Variants in CACNG5 observed in about 807,000 individuals in gnomAD.
CACNG5 encodes voltage-dependent calcium channel gamma-5 subunit.
A neutral mutation model predicts 24.8 loss-of-function variants in CACNG5; 18 were observed. The ratio of observed to expected loss-of-function variants is 0.73; its 90% CI spans 0.50 to 1.08. The LOEUF (loss-of-function observed/expected upper bound fraction) is 1.08, where lower values mean the gene tolerates loss of function less well. Ranked by LOEUF, CACNG5 falls within the 50% of genes least tolerant of loss-of-function variation. The probability of loss-of-function intolerance (pLI) is 0.00; values close to 1 mark genes in which losing one functional copy is unlikely to be tolerated. For synonymous variants in CACNG5, 157 were observed against 149.1 expected (o/e 1.05, Z -0.39); for missense variants, 349 against 367.9 (o/e 0.95, Z 0.42).
intron 1 of CACNG5, among the ~76,000 whole-genome samples, chr17:66,840,228 C>G (rs1041366280): frequency 6.6e-6 from 1 of 152,342 alleles, no homozygotes; most frequent in African/African-American, 2.4e-5. Flanking sequence ...CGCCCAGCCA[C>G]GGGCATGTGC....
chr17:66,880,416 G>T, intron 3 of CACNG5, 141 bp from the exon 4 acceptor site: 1 of 936,638 alleles, frequency 1.1e-6, no homozygotes, highest in East Asian at 2.6e-5. Context: ...CCACCTGATG[G>T]GGGTAGAGTC....
chr17:66,837,912 G>A (rs1012881327), intron 1 of CACNG5, among the ~76,000 whole-genome samples: 2 of 151,960 alleles, frequency 1.3e-5, no homozygotes, highest in African/African-American at 4.8e-5. Flanking sequence ...AGAGAAAGTT[G>A]TGAATATCAA....
At chr17:66,862,649 G>A (rs916636256) in intron 1 of CACNG5, among the ~76,000 whole-genome samples, 6 of 147,978 alleles carry the variant, frequency 4.1e-5, no homozygotes, top group African/African-American at 1.3e-4. Flanking sequence ...TTTATTTAAC[G>A]AGCATCGCCC....
At chr17:66,839,616 G>T (rs532234847) in intron 1 of CACNG5, among the ~76,000 whole-genome samples, 1 of 151,214 alleles carries the variant, frequency 6.6e-6, no homozygotes. Flanking sequence ...AGAGGGGGAG[G>T]TCTGGGAAAG....
chr17:66,874,467 G>T (rs893668917), intron 1 of CACNG5, among the ~76,000 whole-genome samples: 8 of 152,136 alleles, frequency 5.3e-5, no homozygotes, highest in Admixed American at 2.0e-4. Flanking sequence ...CTTTCATAGG[G>T]CATCACGACA....
rs981545872 is a variant in CACNG5, at chr17:66,890,841, C to A, written c.*5601C>A. 1.3e-5 allele frequency among the ~76,000 whole-genome samples: 2 copies of A among 152,180 alleles called. No individual in the cohort carries two copies. Among genetic ancestry groups the A allele is most frequent in the Non-Finnish European group, 2.9e-5 (2 of 68,024 alleles). ...GGCTGTAAGTTTTACAAGCAAAATG[C>A]AACCAAGCTCAAGTAGTAGACTCCT... On this transcript the variant is annotated 3_prime_UTR_variant, in exon 6 of 6. Coordinates refer to ENST00000533854, the MANE Select transcript of CACNG5 (RefSeq NM_145811.3).
intron 4 of CACNG5, 27 bp downstream of exon 4, chr17:66,880,724 C>A: frequency 1.9e-6 from 3 of 1,607,192 alleles, no homozygotes; most frequent in Non-Finnish European, 2.5e-6. Context: ...TCTTTTCTTG[C>A]ACCCTGGAAT....
rs763248486 is a variant in CACNG5 at position 66,885,045 on chromosome 17, G to A, written c.633G>A (p.Arg211=). The change falls in exon 6 of 6, where the codon AGG becomes AGA. Residue 211 remains arginine (R), a synonymous_variant. Transcript: ENST00000533854. ...MKRYTAEDMY[R]PHPGFYRPRL... ...GGTACACCGCGGAGGACATGTACAG[G>A]CCCCACCCTGGCTTCTACCGCCCTC... is the stretch of plus-strand genomic sequence containing the variant. The A allele has an allele frequency of 1.2e-6, 2 of 1,614,058 alleles. No homozygotes were observed. The highest frequency in any genetic ancestry group is 1.3e-5 in the African/African-American group (1 of 74,926).
intron 1 of CACNG5, among the ~76,000 whole-genome samples, chr17:66,849,474 T>A (rs1976683534): frequency 6.6e-6 from 1 of 152,148 alleles, no homozygotes; most frequent in Non-Finnish European, 1.5e-5. Flanking sequence ...AGCCCCTCAC[T>A]CAGGGTGCCC....
At chr17:66,848,916 G>A (rs1274296459) in intron 1 of CACNG5, among the ~76,000 whole-genome samples, 2 of 152,178 alleles carry the variant, frequency 1.3e-5, no homozygotes, top group South Asian at 2.1e-4. Flanking sequence ...CAGACGCTGA[G>A]AGGGGTGTCC....
intron 4 of CACNG5, among the ~76,000 whole-genome samples, chr17:66,881,862 G>A (rs999375080): frequency 6.6e-6 from 1 of 152,260 alleles, no homozygotes; most frequent in East Asian, 1.9e-4. Context: ...AGCACTGGGG[G>A]AACTGAGTGT....
chr17:66,849,018 T>C (rs1400460887), intron 1 of CACNG5, among the ~76,000 whole-genome samples: 1 of 152,076 alleles, frequency 6.6e-6, no homozygotes, highest in Non-Finnish European at 1.5e-5. Context: ...GATTGAGTGC[T>C]TGTTGTCAGC....
chr17:66,871,301 C>T (rs896830774), intron 1 of CACNG5, among the ~76,000 whole-genome samples: 9 of 152,154 alleles, frequency 5.9e-5, no homozygotes, highest in Non-Finnish European at 7.3e-5. Context: ...TGTCAAAAAC[C>T]CCTACACCAT....
intron 3 of CACNG5, among the ~76,000 whole-genome samples, chr17:66,880,270 A>T (rs1977138303): frequency 6.6e-6 from 1 of 152,232 alleles, no homozygotes; most frequent in Non-Finnish European, 1.5e-5. Flanking sequence ...ATTGGCAGAC[A>T]GTGTGGACTC....
intron 1 of CACNG5, among the ~76,000 whole-genome samples, chr17:66,872,494 A>G (rs1977022578): frequency 6.6e-6 from 1 of 152,256 alleles, no homozygotes. Flanking sequence ...CTAAAAGGCA[A>G]TGAACTAAGA....
intron 1 of CACNG5, among the ~76,000 whole-genome samples, chr17:66,840,159 C>T (rs1272003527): frequency 6.6e-6 from 1 of 152,200 alleles, no homozygotes; most frequent in Admixed American, 6.5e-5. Flanking sequence ...CCTCACTGGC[C>T]CCCTCTCTGT....
chr17:66,879,339 G>A (rs961979513), intron 3 of CACNG5, among the ~76,000 whole-genome samples: 3 of 152,170 alleles, frequency 2.0e-5, no homozygotes, highest in Admixed American at 6.5e-5. Context: ...CAACAGAGTC[G>A]TTTCTGCCCC....
chr17:66,867,230 G>GT (rs1167257132), intron 1 of CACNG5, among the ~76,000 whole-genome samples: 6 of 151,962 alleles, frequency 3.9e-5, no homozygotes, highest in Non-Finnish European at 8.8e-5. Flanking sequence ...GTGATGTTGA[G>GT]TTTTTTTTCA....
intron 1 of CACNG5, among the ~76,000 whole-genome samples, chr17:66,846,771 T>C (rs887416316): frequency 6.6e-6 from 1 of 152,224 alleles, no homozygotes; most frequent in African/African-American, 2.4e-5. Flanking sequence ...TCAATTCTCT[T>C]GGGTATATCC....
Sources: allele counts gnomAD v4.1 joint callset (sites outside exome capture counted in the v4.1 genomes callset), GRCh38; gene constraint gnomAD v4.1.1; transcripts MANE v1.5; gene names NCBI Gene and HGNC (gene_info 2026-07-23, HGNC 2026-07-21).